Variants in PTDSS1 observed in about 807,000 individuals in gnomAD.
The protein encoded by PTDSS1 is phosphatidylserine synthase 1, also known as PSS-1.
Under a neutral mutation model 70.5 loss-of-function variants are expected in PTDSS1, and 45 were observed. The observed-to-expected ratio is 0.64, with a 90% CI of 0.50 to 0.82. PTDSS1 has a LOEUF of 0.82. Among genes scored for constraint, PTDSS1 ranks in the 40% least tolerant of loss-of-function variants. The pLI is 0.00. For missense variants in PTDSS1, 417 were observed against 586.1 expected, an observed-to-expected ratio of 0.71 and a Z score of 2.98; for synonymous variants, 188 against 203.8, an observed-to-expected ratio of 0.92 and a Z score of 0.66.
intron 12 of PTDSS1, 42 bp from the exon 13 acceptor site, chr8:96,333,415 C>G (rs1563589248): frequency 1.3e-6 from 2 of 1,558,604 alleles, no homozygotes; most frequent in Non-Finnish European, 8.9e-7. Context: ...TCACCAATCT[C>G]CAGAGCCCAG....
Position 96,284,070 on chromosome 8 carries a change from A to G in PTDSS1, c.272-39A>G, listed in dbSNP as rs775671044. The G allele has an allele frequency of 3.2e-6, 5 of 1,546,894 alleles. 1 individual carries two copies. In the South Asian group the frequency reaches 5.7e-5, roughly 18 times the overall value. ...ACCTTAAGTTTTAGCCTTCTCTGAA[A>G]CCAGTTCCTTCTAACTTTATAATGT... On this transcript the variant is annotated intron_variant, in intron 2 of 12. Coordinates refer to ENST00000517309, the MANE Select transcript of PTDSS1 (RefSeq NM_014754.3).
rs1316175033 is a variant in PTDSS1, at chr8:96,300,689, A to C, written c.752+844A>C. 2.0e-5 allele frequency among the ~76,000 whole-genome samples: 3 copies of C among 152,232 alleles called. No individual in the cohort carries two copies. In the East Asian group the frequency reaches 5.8e-4, roughly 29 times the overall value. The stretch of plus-strand genomic sequence containing the variant: ...ATATAACAAAATAGCATTTTCCCAC[A>C]TCATTAAATATTCTTCTAAAACATG... On this transcript the variant is annotated intron_variant, in intron 6 of 12. Coordinates refer to ENST00000517309, the MANE Select transcript of PTDSS1 (RefSeq NM_014754.3).
chr8:96,314,471 G>C (rs920342786), intron 9 of PTDSS1, among the ~76,000 whole-genome samples: 1 of 152,114 alleles, frequency 6.6e-6, no homozygotes, highest in African/African-American at 2.4e-5. Flanking sequence ...AGTCACCGCC[G>C]TCCTGCTGGT....
chr8:96,323,185 G>A (rs971834529), intron 10 of PTDSS1, among the ~76,000 whole-genome samples: 3 of 152,172 alleles, frequency 2.0e-5, no homozygotes, highest in Non-Finnish European at 1.5e-5. Context: ...TGGCTGTGCC[G>A]GGTTCAGCCA....
At chr8:96,302,996 C>T (rs990018472) in intron 6 of PTDSS1, among the ~76,000 whole-genome samples, 2 of 152,112 alleles carry the variant, frequency 1.3e-5, no homozygotes, top group Non-Finnish European at 2.9e-5. Context: ...ATAAACCCAA[C>T]TAATAAACAA....
At chr8:96,296,861 C>T (rs1206684209) in intron 5 of PTDSS1, among the ~76,000 whole-genome samples, 1 of 152,232 alleles carries the variant, frequency 6.6e-6, no homozygotes. Flanking sequence ...AACCCAGCCG[C>T]TGCATAGGCT....
chr8:96,336,995 CAAAAAAAAAAAAAAAA>C (rs35919374), downstream of PTDSS1: 1 of 54,790 alleles, frequency 1.8e-5, no homozygotes, highest in Non-Finnish European at 3.3e-5. Context: ...GAGACTATCT[CAAAAAAAAAAAAAAAA>C]AAAAAAAAAA....
At chr8:96,314,546 C>T (rs995966315) in intron 9 of PTDSS1, among the ~76,000 whole-genome samples, 1 of 152,180 alleles carries the variant, frequency 6.6e-6, no homozygotes, top group East Asian at 1.9e-4. Context: ...TTTATCTTGC[C>T]ACACCCCACC....
At chr8:96,273,007 G>A (rs945785022) in intron 1 of PTDSS1, among the ~76,000 whole-genome samples, 55 of 152,142 alleles carry the variant, frequency 3.6e-4, no homozygotes, top group African/African-American at 1.3e-3. Context: ...GTTGTTAGGT[G>A]TCTATTAAAA....
rs1811585484 is a variant in PTDSS1, at chr8:96,335,700, C to T, written c.*2134C>T. The T allele has an allele frequency of 1.3e-5, 2 of 152,242 alleles. No homozygotes were observed. Among genetic ancestry groups the T allele is most frequent in the African/African-American group, 4.8e-5 (2 of 41,448 alleles). 9.4% of individuals were successfully genotyped at this position (152,242 alleles called of 1,614,324 possible). On this transcript the variant is annotated 3_prime_UTR_variant, in exon 13 of 13. Coordinates refer to ENST00000517309, the MANE Select transcript of PTDSS1 (RefSeq NM_014754.3). Reference sequence around the variant, plus strand: ...ACTTTCTATTTCCCTTCAGTCAGAGCTCTTTACTATAGTAGTTACAAAACC... The same window carrying T: ...ACTTTCTATTTCCCTTCAGTCAGAGTTCTTTACTATAGTAGTTACAAAACC...
At chr8:96,300,729 C>A (rs2130097863) in intron 6 of PTDSS1, among the ~76,000 whole-genome samples, 1 of 152,288 alleles carries the variant, frequency 6.6e-6, no homozygotes, top group African/African-American at 2.4e-5. Context: ...TAAAGGGCTT[C>A]TTTGTACTTC....
At chr8:96,312,920 T>A (rs1294210967) in intron 9 of PTDSS1, among the ~76,000 whole-genome samples, 1 of 152,236 alleles carries the variant, frequency 6.6e-6, no homozygotes, top group Non-Finnish European at 1.5e-5. Flanking sequence ...CTGAAGTGTG[T>A]GGTTTCCTTT....
chr8:96,303,965 A>G, intron 6 of PTDSS1, 75 bp from the exon 7 acceptor site: 1 of 1,458,424 alleles, frequency 6.9e-7, no homozygotes, highest in South Asian at 1.3e-5. Context: ...ATCAGTGCAC[A>G]GGATTTTTTT....
intron 12 of PTDSS1, among the ~76,000 whole-genome samples, chr8:96,332,785 CT>C (rs902398612): frequency 4.6e-5 from 7 of 151,726 alleles, no homozygotes; most frequent in South Asian, 2.1e-4. Flanking sequence ...ACTCTGGTAA[CT>C]TTTTTTTTGT....
At chr8:96,265,736 TACTC>T (rs1810477358) in intron 1 of PTDSS1, among the ~76,000 whole-genome samples, 1 of 152,208 alleles carries the variant, frequency 6.6e-6, no homozygotes, top group Non-Finnish European at 1.5e-5. Context: ...GCCTCCACCC[TACTC>T]ACTCGACAGA....
Position 96,293,448 on chromosome 8 carries a change from CT to C in PTDSS1, c.442-1648del, listed in dbSNP as rs1810934229. Among the ~76,000 whole-genome samples the C allele has an allele frequency of 3.3e-5, 5 of 151,864 alleles. No homozygotes were observed. In the South Asian group the frequency reaches 1.0e-3, roughly 32 times the overall value. ...TTGCTCACAGGCATGCACCTGTCCACTTGACCCCCTTTCCAGGCTTCAGCTC... is the reference window on the plus strand; with the variant it reads ...TTGCTCACAGGCATGCACCTGTCCACTGACCCCCTTTCCAGGCTTCAGCTC... On this transcript the variant is annotated intron_variant, in intron 4 of 12. Transcript: ENST00000517309.
chr8:96,277,257 A>G (rs1219780261), intron 2 of PTDSS1, among the ~76,000 whole-genome samples: 1 of 152,244 alleles, frequency 6.6e-6, no homozygotes, highest in African/African-American at 2.4e-5. Context: ...TAACTTTTCC[A>G]CATGAAAGAA....
intron 12 of PTDSS1, among the ~76,000 whole-genome samples, chr8:96,331,583 AAAAAGAAAAG>A (rs1246611214): frequency 9.2e-5 from 14 of 152,002 alleles, no homozygotes; most frequent in African/African-American, 3.1e-4. Flanking sequence ...TCAAAAAAAA[AAAAAGAAAAG>A]AAAAGAAAAA....
intron 2 of PTDSS1, among the ~76,000 whole-genome samples, chr8:96,274,593 T>A (rs1224017762): frequency 2.6e-5 from 4 of 152,052 alleles, no homozygotes; most frequent in African/African-American, 9.7e-5. Context: ...GGCGTGGTGG[T>A]GCGTGCCTGT....
Sources: gnomAD v4.1 joint callset for allele counts (sites outside exome capture counted in the v4.1 genomes callset) on GRCh38, gnomAD v4.1.1 for gene constraint, MANE v1.5 for transcripts, NCBI Gene and HGNC (gene_info 2026-07-23, HGNC 2026-07-21) for gene names.